Variants in GALNT13 observed in about 807,000 individuals in gnomAD.
GALNT13 encodes UDP-GalNAc:polypeptide N-acetylgalactosaminyltransferase 13.
In GALNT13, 28 loss-of-function variants were observed where a neutral mutation model predicts 64.2. The observed-to-expected ratio is 0.44, with a 90% CI of 0.32 to 0.60. The LOEUF is 0.60. Ranked by LOEUF, GALNT13 falls within the 20% of genes least tolerant of loss-of-function variation. GALNT13 has a pLI of 0.05. For synonymous variants in GALNT13, 214 were observed against 224.6 expected (o/e 0.95, Z 0.42); for missense variants, 577 against 669.8 (o/e 0.86, Z 1.53).
chr2:153,697,199 C>T, the GALNT13 span, among the ~76,000 whole-genome samples: 11 of 152,190 alleles, frequency 7.2e-5, no homozygotes, highest in Non-Finnish European at 1.3e-4. Context: ...GCAGTGGTCT[C>T]TTCTGTCTGT....
At chr2:153,570,616 T>C in the GALNT13 span, among the ~76,000 whole-genome samples, 7 of 152,144 alleles carry the variant, frequency 4.6e-5, no homozygotes, top group Non-Finnish European at 1.0e-4. Flanking sequence ...CTTCAATCCA[T>C]TTTGATTTGA....
intron 12 of GALNT13, among the ~76,000 whole-genome samples, chr2:154,450,014 A>T (rs1023743359): frequency 1.3e-5 from 2 of 151,982 alleles, no homozygotes; most frequent in African/African-American, 4.8e-5. Flanking sequence ...TGTGCCATCT[A>T]TTTGCATGTT....
At chr2:153,354,134 G>A in the GALNT13 span, 57 of 152,258 alleles carry the variant, frequency 3.7e-4, no homozygotes, top group African/African-American at 1.3e-3. Context: ...GGCAGATTGT[G>A]TCTGTCAAGA....
the GALNT13 span, among the ~76,000 whole-genome samples, chr2:153,712,652 T>C: frequency 2.6e-5 from 4 of 152,192 alleles, no homozygotes; most frequent in African/African-American, 9.6e-5. Context: ...AAAAAAGGTC[T>C]GCTACTCCAT....
At chr2:153,589,400 T>A in the GALNT13 span, among the ~76,000 whole-genome samples, 1 of 152,192 alleles carries the variant, frequency 6.6e-6, no homozygotes, top group Admixed American at 6.5e-5. Flanking sequence ...AGTTCCAAAC[T>A]TTCCCACATT....
the GALNT13 span, among the ~76,000 whole-genome samples, chr2:153,638,993 G>A: frequency 6.6e-6 from 1 of 152,080 alleles, no homozygotes; most frequent in Admixed American, 6.6e-5. Context: ...GTTTTCTCCA[G>A]TCATGTTCAG....
chr2:153,081,396 A>G, the GALNT13 span, among the ~76,000 whole-genome samples: 3 of 152,148 alleles, frequency 2.0e-5, no homozygotes, highest in Non-Finnish European at 4.4e-5. Context: ...GTTATTTTAA[A>G]ATGTATAATT....
the GALNT13 span, among the ~76,000 whole-genome samples, chr2:153,605,172 A>G: frequency 6.6e-6 from 1 of 152,190 alleles, no homozygotes; most frequent in South Asian, 2.1e-4. Flanking sequence ...GAAAATTCCA[A>G]ATAGCTTTTT....
At chr2:153,867,262 C>G (rs566249618), upstream of GALNT13, among the ~76,000 whole-genome samples, 30 of 152,270 alleles carry the variant, frequency 2.0e-4, no homozygotes, top group African/African-American at 6.5e-4. Context: ...CCAAGAAGCT[C>G]TTATCAAGTT....
chr2:153,298,752 A>C, the GALNT13 span, among the ~76,000 whole-genome samples: 1 of 152,104 alleles, frequency 6.6e-6, no homozygotes, highest in Non-Finnish European at 1.5e-5. Context: ...GCTTAACCAA[A>C]CCCAAGGAAT....
At chr2:153,297,435 A>C in the GALNT13 span, among the ~76,000 whole-genome samples, 150 of 152,330 alleles carry the variant, frequency 9.8e-4, 1 homozygote, top group African/African-American at 3.5e-3. Context: ...AGAGGCATAA[A>C]ATTGCAGAGT....
the GALNT13 span, among the ~76,000 whole-genome samples, chr2:153,269,625 T>C: frequency 2.0e-5 from 3 of 152,158 alleles, no homozygotes; most frequent in Non-Finnish European, 4.4e-5. Flanking sequence ...ATCTTTGTAA[T>C]AGTACCCTAC....
chr2:153,893,448 T>C (rs1352946809), intron 1 of GALNT13, among the ~76,000 whole-genome samples: 1 of 152,028 alleles, frequency 6.6e-6, no homozygotes, highest in Non-Finnish European at 1.5e-5. Context: ...TTTGGAAAAT[T>C]AGAAAAAATG....
At chr2:154,215,228 C>G (rs1371618198) in intron 4 of GALNT13, among the ~76,000 whole-genome samples, 1 of 152,124 alleles carries the variant, frequency 6.6e-6, no homozygotes, top group Non-Finnish European at 1.5e-5. Flanking sequence ...TATGCCTGAA[C>G]TAATTTGAAC....
intron 2 of GALNT13, among the ~76,000 whole-genome samples, chr2:153,905,051 T>C (rs1688466014): frequency 6.6e-6 from 1 of 151,238 alleles, no homozygotes; most frequent in Non-Finnish European, 1.5e-5. Flanking sequence ...CTATGGCTAC[T>C]TTTTAAATAT....
the GALNT13 span, among the ~76,000 whole-genome samples, chr2:153,452,855 C>T: frequency 6.6e-6 from 1 of 152,094 alleles, no homozygotes; most frequent in Non-Finnish European, 1.5e-5. Context: ...GGAGGCATTA[C>T]ATACCTGACC....
chr2:153,612,560 G>A, the GALNT13 span, among the ~76,000 whole-genome samples: 3 of 151,878 alleles, frequency 2.0e-5, no homozygotes, highest in African/African-American at 4.8e-5. Flanking sequence ...TGAGAAAATA[G>A]TTACAAGACA....
the GALNT13 span, among the ~76,000 whole-genome samples, chr2:153,078,875 T>C: frequency 2.6e-5 from 4 of 152,174 alleles, no homozygotes; most frequent in Non-Finnish European, 5.9e-5. Flanking sequence ...CTTAATAGAA[T>C]GCATTGTATT....
At chr2:154,257,200 A>G (rs1301790845) in intron 7 of GALNT13, among the ~76,000 whole-genome samples, 2 of 152,298 alleles carry the variant, frequency 1.3e-5, no homozygotes, top group Non-Finnish European at 2.9e-5. Context: ...CTTTCTTAAT[A>G]GTATAAATAG....
Sources: gnomAD v4.1 joint callset for allele counts (sites outside exome capture counted in the v4.1 genomes callset) on GRCh38, gnomAD v4.1.1 for gene constraint, MANE v1.5 for transcripts, NCBI Gene and HGNC (gene_info 2026-07-23, HGNC 2026-07-21) for gene names.